STT3B: variants seen among roughly 807,000 people sequenced by gnomAD.
STT3B encodes the protein STT3 oligosaccharyltransferase complex catalytic subunit B, also known as dolichyl-diphosphooligosaccharide--protein glycosyltransferase subunit STT3B.
A neutral mutation model predicts 96.8 loss-of-function variants in STT3B; 29 were observed. That is an observed-to-expected ratio of 0.30 (90% confidence interval 0.22 to 0.41). STT3B has a LOEUF of 0.41. STT3B is among the 10% of genes least tolerant of loss of function. The pLI is 1.00. For missense variants in STT3B, 640 were observed against 1,022.3 expected (o/e 0.63, Z 5.10); for synonymous variants, 367 against 360.0 (o/e 1.02, Z -0.22).
chr3:31,588,483 C>G (rs1454232476), intron 3 of STT3B, among the ~76,000 whole-genome samples: 1 of 151,054 alleles, frequency 6.6e-6, no homozygotes, highest in Non-Finnish European at 1.5e-5. Flanking sequence ...CTTTAGTCAT[C>G]TGGATGCACT....
chr3:31,561,261 T>G (rs1697870503), intron 1 of STT3B, among the ~76,000 whole-genome samples: 1 of 152,022 alleles, frequency 6.6e-6, no homozygotes, highest in African/African-American at 2.4e-5. Flanking sequence ...ATTTCTTTTT[T>G]TTTCAAAATT....
chr3:31,589,241 T>G (rs940140081), intron 3 of STT3B, among the ~76,000 whole-genome samples: 2 of 152,068 alleles, frequency 1.3e-5, no homozygotes, highest in African/African-American at 2.4e-5. Context: ...ATTTTAAATT[T>G]CAGTTCATTA....
At chr3:31,600,745 A>T (rs1466760308) in intron 5 of STT3B, among the ~76,000 whole-genome samples, 5 of 152,030 alleles carry the variant, frequency 3.3e-5, no homozygotes, top group Non-Finnish European at 5.9e-5. Context: ...AATTTTTATC[A>T]TGAAAATCGT....
At chr3:31,587,404 TA>T (rs1225604023) in intron 3 of STT3B, among the ~76,000 whole-genome samples, 1 of 152,046 alleles carries the variant, frequency 6.6e-6, no homozygotes, top group Non-Finnish European at 1.5e-5. Flanking sequence ...TTGCCTTTTG[TA>T]TCTTTTTTTA....
intron 3 of STT3B, among the ~76,000 whole-genome samples, chr3:31,585,865 C>T (rs139357291): frequency 3.0e-3 from 455 of 152,194 alleles, no homozygotes; most frequent in Non-Finnish European, 4.0e-3. Flanking sequence ...GGATGTACTA[C>T]AATTTCTTTT....
In STT3B at chr3:31,610,543, A is replaced by G. The variant is rs139181274; in HGVS notation, c.878-4562A>G. 2.7e-3 allele frequency among the ~76,000 whole-genome samples: 413 copies of G among 152,328 alleles called. 1 individual carries two copies. The highest frequency in any genetic ancestry group is 9.5e-3 in the African/African-American group (394 of 41,582). ...CTTTGGGGAACAGCAAACTTCTTCA[A>G]TACTTAAAATTTCATTTGAATTTGA... On this transcript the variant is annotated intron_variant, in intron 5 of 15. Transcript: ENST00000295770.
chr3:31,616,521 C>T lies in STT3B; in HGVS notation c.977-408C>T, dbSNP rs531310117. 1.2e-4 allele frequency among the ~76,000 whole-genome samples: 18 copies of T among 151,906 alleles called. No homozygotes were observed. The East Asian group carries it at 2.1e-3, about 18-fold the overall frequency. On this transcript the variant is annotated intron_variant, in intron 6 of 15. Coordinates refer to ENST00000295770, the MANE Select transcript of STT3B (RefSeq NM_178862.3). ...AATAGTAACTATATATCAAGATTAT[C>T]CTGATCCTAAGTCTTTGTATCCTTC...
At chr3:31,578,225 C>T (rs540736921) in intron 2 of STT3B, among the ~76,000 whole-genome samples, 2 of 152,234 alleles carry the variant, frequency 1.3e-5, no homozygotes, top group South Asian at 2.1e-4. Flanking sequence ...ATTAGGTCTT[C>T]ACTCTGATCC....
chr3:31,606,486 A>G (rs557418673), intron 5 of STT3B, among the ~76,000 whole-genome samples: 5 of 127,354 alleles, frequency 3.9e-5, no homozygotes, highest in Non-Finnish European at 9.4e-5. Flanking sequence ...AAAAGGGGTT[A>G]AGGTACAGTT....
intron 2 of STT3B, among the ~76,000 whole-genome samples, chr3:31,579,477 T>TA (rs1173591549): frequency 0.11 from 7,678 of 67,324 alleles, 1,013 homozygotes; most frequent in African/African-American, 0.22. Context: ...CCTGTTTTGA[T>TA]AAAAAAAAAA....
At chr3:31,538,055 T>G (rs1357749574) in intron 1 of STT3B, among the ~76,000 whole-genome samples, 1 of 152,178 alleles carries the variant, frequency 6.6e-6, no homozygotes, top group Non-Finnish European at 1.5e-5. Context: ...TCAACAGACC[T>G]ATTGCTAAAC....
intron 1 of STT3B, among the ~76,000 whole-genome samples, chr3:31,548,909 C>A (rs1697481740): frequency 6.6e-6 from 1 of 152,184 alleles, no homozygotes; most frequent in Admixed American, 6.5e-5. Flanking sequence ...AAAAAAACTG[C>A]TTACTACATT....
intron 1 of STT3B, among the ~76,000 whole-genome samples, chr3:31,553,460 GA>G (rs1697620747): frequency 6.6e-6 from 1 of 152,188 alleles, no homozygotes. Context: ...GTTGGTATAT[GA>G]ATATATCTCA....
chr3:31,596,471 A>G (rs1449853528), intron 3 of STT3B, among the ~76,000 whole-genome samples: 1 of 152,122 alleles, frequency 6.6e-6, no homozygotes, highest in Non-Finnish European at 1.5e-5. Context: ...GGAGGTGGCC[A>G]TGGTGACCTG....
At chr3:31,569,280 C>T (rs1338471388) in intron 1 of STT3B, among the ~76,000 whole-genome samples, 1 of 152,182 alleles carries the variant, frequency 6.6e-6, no homozygotes, top group Non-Finnish European at 1.5e-5. Context: ...ACCTAAGCCA[C>T]TACATCAGCC....
intron 3 of STT3B, among the ~76,000 whole-genome samples, chr3:31,582,111 C>T (rs977747002): frequency 2.0e-5 from 3 of 152,072 alleles, no homozygotes; most frequent in Admixed American, 1.3e-4. Flanking sequence ...ATTTGTCAAT[C>T]GTGTTGCTCT....
intron 1 of STT3B, among the ~76,000 whole-genome samples, chr3:31,547,106 G>A (rs1457956258): frequency 1.3e-5 from 2 of 152,108 alleles, no homozygotes; most frequent in South Asian, 2.1e-4. Context: ...TGCTATGAGT[G>A]GACTGAGGAC....
chr3:31,551,314 C>T (rs932498533), intron 1 of STT3B, among the ~76,000 whole-genome samples: 15 of 152,208 alleles, frequency 9.9e-5, no homozygotes, highest in Admixed American at 3.3e-4. Context: ...CTCCCAGGCT[C>T]AAATGATCCT....
At chr3:31,629,555 T>G in intron 14 of STT3B, 144 bp downstream of exon 14, 1 of 499,474 alleles carries the variant, frequency 2.0e-6, no homozygotes, top group Non-Finnish European at 3.5e-6. Flanking sequence ...TTCATTAAAT[T>G]TAGATTTCTG....
Sources: allele counts gnomAD v4.1 joint callset (sites outside exome capture counted in the v4.1 genomes callset), GRCh38; gene constraint gnomAD v4.1.1; transcripts MANE v1.5; gene names NCBI Gene and HGNC (gene_info 2026-07-23, HGNC 2026-07-21).